ABL1: variants seen among roughly 807,000 people sequenced by gnomAD.
ABL1 encodes the protein tyrosine-protein kinase ABL1.
Under a neutral mutation model 94.7 loss-of-function variants are expected in ABL1, and 11 were observed. The observed-to-expected ratio is 0.12, with a 90% CI of 0.07 to 0.19. ABL1 has a LOEUF of 0.19. Among genes scored for constraint, ABL1 ranks in the 10% least tolerant of loss-of-function variants. ABL1 has a pLI of 1.00. For synonymous variants in ABL1, 656 were observed against 622.4 expected, an observed-to-expected ratio of 1.05 and a Z score of -0.80; for missense variants, 1,082 against 1,489.4, an observed-to-expected ratio of 0.73 and a Z score of 4.50.
At chr9:130,826,510 TG>T (rs1487163194) in intron 1 of ABL1, among the ~76,000 whole-genome samples, 1 of 151,058 alleles carries the variant, frequency 6.6e-6, no homozygotes, top group Admixed American at 6.6e-5. Context: ...GCAAAGAGAG[TG>T]GTAATAGATT....
chr9:130,730,322 G>A (rs1464263871), intron 1 of ABL1, among the ~76,000 whole-genome samples: 3 of 152,228 alleles, frequency 2.0e-5, no homozygotes, highest in Admixed American at 1.3e-4. Flanking sequence ...GATTACAGGC[G>A]TGAGTCACCG....
In ABL1 at chr9:130,884,336, G is replaced by T. The variant is rs1411936536; in HGVS notation, c.2046G>T (p.Arg682=). 6.2e-7 allele frequency: 1 copy of T among 1,612,090 alleles called. No homozygotes were observed. The highest frequency in any genetic ancestry group is 1.1e-5 in the South Asian group (1 of 91,066). ...ALRESGGSGF[R]SPHLWKKSST... The stretch of plus-strand genomic sequence containing the variant: ...GGGAGTCCGGGGGCTCAGGCTTCCG[G>T]TCTCCCCACCTGTGGAAGAAGTCCA... The change falls in exon 11 of 11, where the codon CGG becomes CGT. Residue 682 remains arginine (R), a synonymous_variant. Coordinates refer to ENST00000318560, the MANE Select transcript of ABL1 (RefSeq NM_005157.6). The surrounding 1 kb of genome is among the most constrained non-coding windows in gnomAD (Gnocchi z 5.6).
At chr9:130,808,249 T>TC (rs199526867) in intron 1 of ABL1, among the ~76,000 whole-genome samples, 9,914 of 139,948 alleles carry the variant, frequency 0.071, 389 homozygotes, top group Middle Eastern at 0.14. Flanking sequence ...TTCTTCTTCT[T>TC]TTTTTTTTTT....
At chr9:130,855,177 G>C in intron 3 of ABL1, 81 bp downstream of exon 3, 1 of 1,452,312 alleles carries the variant, frequency 6.9e-7, no homozygotes, top group South Asian at 1.3e-5. Context: ...ATAAATTATT[G>C]CAAGAAAGCT....
chr9:130,761,567 A>G (rs1832115231), intron 1 of ABL1, among the ~76,000 whole-genome samples: 1 of 152,238 alleles, frequency 6.6e-6, no homozygotes, highest in African/African-American at 2.4e-5. Context: ...ATTATTAGGC[A>G]TCGAAAGCTG....
upstream of ABL1, among the ~76,000 whole-genome samples, chr9:130,831,173 C>G (rs117516463): frequency 2.0e-3 from 312 of 152,304 alleles, no homozygotes; most frequent in Non-Finnish European, 3.6e-3. Flanking sequence ...CTGTTCCCCC[C>G]CTAAAGCTAC....
chr9:130,733,989 G>C (rs914151707), intron 1 of ABL1, among the ~76,000 whole-genome samples: 19 of 152,152 alleles, frequency 1.2e-4, no homozygotes, highest in African/African-American at 4.6e-4. Flanking sequence ...TTGGGTAGTC[G>C]TGTTTTTAGG....
chr9:130,829,815 A>G (rs529826887), intron 1 of ABL1, among the ~76,000 whole-genome samples: 1 of 152,298 alleles, frequency 6.6e-6, no homozygotes, highest in African/African-American at 2.4e-5. Flanking sequence ...TGTAAACACT[A>G]ACTATTGATT....
At chr9:130,796,165 T>G (rs1487930111) in intron 1 of ABL1, among the ~76,000 whole-genome samples, 1 of 151,988 alleles carries the variant, frequency 6.6e-6, no homozygotes, top group Non-Finnish European at 1.5e-5. Context: ...GGAGTGAGAC[T>G]CCGTCTCAAA....
Position 130,877,218 on chromosome 9 carries a change from G to A in ABL1, c.1271-1197G>A, listed in dbSNP as rs765493003. On this transcript the variant is annotated intron_variant, in intron 7 of 10. Transcript: ENST00000318560. Reference sequence around the variant, plus strand: ...CATTAACTTTGTAGTTTTCCATGACGTCCGCGCCCTCAAATGACAAGCTAT... The same window carrying A: ...CATTAACTTTGTAGTTTTCCATGACATCCGCGCCCTCAAATGACAAGCTAT... 4.8e-4 allele frequency among the ~76,000 whole-genome samples: 71 copies of A among 148,192 alleles called. 2 individuals carry two copies. Among genetic ancestry groups the A allele is most frequent in the Non-Finnish European group, 3.3e-4 (22 of 67,280 alleles).
chr9:130,769,066 A>AT (rs1402182684), intron 1 of ABL1, among the ~76,000 whole-genome samples: 1 of 152,064 alleles, frequency 6.6e-6, no homozygotes, highest in East Asian at 1.9e-4. Context: ...GTGAGGGGGA[A>AT]TTTTTCACTC....
At chr9:130,831,462 CT>C (rs1490442657), upstream of ABL1, among the ~76,000 whole-genome samples, 1 of 152,166 alleles carries the variant, frequency 6.6e-6, no homozygotes, top group East Asian at 1.9e-4. Flanking sequence ...GAAGAGTCCT[CT>C]TTTGGTAACT....
intron 1 of ABL1, among the ~76,000 whole-genome samples, chr9:130,733,413 C>G (rs1480454005): frequency 6.6e-6 from 1 of 151,928 alleles, no homozygotes; most frequent in African/African-American, 2.4e-5. Flanking sequence ...AAGAATATCT[C>G]TTGTGGATGT....
At chr9:130,824,718 A>G (rs186261901) in intron 1 of ABL1, among the ~76,000 whole-genome samples, 1 of 152,302 alleles carries the variant, frequency 6.6e-6, no homozygotes, top group East Asian at 1.9e-4. Context: ...TTTGTTTTCA[A>G]GCGGCTGCAT....
At chr9:130,861,926 T>C (rs1831079106) in intron 3 of ABL1, among the ~76,000 whole-genome samples, 1 of 152,216 alleles carries the variant, frequency 6.6e-6, no homozygotes. Flanking sequence ...GCCTGCTCCT[T>C]CTCCTTCCTC....
intron 1 of ABL1, among the ~76,000 whole-genome samples, chr9:130,750,192 CATATAT>C (rs56263750): frequency 0.012 from 1,311 of 106,308 alleles, 19 homozygotes; most frequent in African/African-American, 0.023. Context: ...AAAAAAAATA[CATATAT>C]ATATATATAT....
Position 130,885,948 on chromosome 9 carries a change from G to A in ABL1, c.*265G>A, listed in dbSNP as rs534320681. The A allele has an allele frequency of 6.9e-5, 32 of 466,610 alleles. 1 individual carries two copies. Among genetic ancestry groups the A allele is most frequent in the African/African-American group, 4.1e-4 (21 of 51,326 alleles). The allele number at this position is 466,610 out of a possible 1,614,324, so 28.9% of individuals were successfully genotyped here. On this transcript the variant is annotated 3_prime_UTR_variant, in exon 11 of 11. Coordinates refer to ENST00000318560, the MANE Select transcript of ABL1 (RefSeq NM_005157.6). ...AGTTCCTGCTCCGTGGACTGCAGTCGGCATGCCAGGACCCGCCAGCCCCGC... is the reference window on the plus strand; with the variant it reads ...AGTTCCTGCTCCGTGGACTGCAGTCAGCATGCCAGGACCCGCCAGCCCCGC...
At chr9:130,837,330 T>C (rs952833997) in intron 1 of ABL1, among the ~76,000 whole-genome samples, 2 of 152,346 alleles carry the variant, frequency 1.3e-5, no homozygotes, top group South Asian at 2.1e-4. Context: ...CATCTCCACT[T>C]TGCAGATGGG....
At chr9:130,807,471 T>C (rs1564295728) in intron 1 of ABL1, among the ~76,000 whole-genome samples, 2 of 151,402 alleles carry the variant, frequency 1.3e-5, no homozygotes, top group Admixed American at 6.6e-5. Flanking sequence ...AACTCCTGAC[T>C]TCAAGTGATC....
Sources: allele counts gnomAD v4.1 joint callset (sites outside exome capture counted in the v4.1 genomes callset), GRCh38; gene constraint gnomAD v4.1.1; non-coding constraint Gnocchi (gnomAD v3.1); transcripts MANE v1.5; gene names NCBI Gene and HGNC (gene_info 2026-07-23, HGNC 2026-07-21).